PLEKHG1: variants seen among roughly 807,000 people sequenced by gnomAD.
The protein encoded by PLEKHG1 is pleckstrin homology and RhoGEF domain containing G1, also known as pleckstrin homology domain-containing family G member 1.
A neutral mutation model predicts 100.8 loss-of-function variants in PLEKHG1; 44 were observed. That is an observed-to-expected ratio of 0.44 (90% confidence interval 0.34 to 0.56). The LOEUF is 0.56. Ranked by LOEUF, PLEKHG1 falls within the 20% of genes least tolerant of loss-of-function variation. PLEKHG1 has a pLI of 0.01. For synonymous variants in PLEKHG1, 640 were observed against 662.5 expected, an observed-to-expected ratio of 0.97 and a Z score of 0.52; for missense variants, 1,545 against 1,720.9, an observed-to-expected ratio of 0.90 and a Z score of 1.81.
At chr6:150,705,095 G>A (rs1190290347) in intron 3 of PLEKHG1, among the ~76,000 whole-genome samples, 5 of 152,138 alleles carry the variant, frequency 3.3e-5, no homozygotes, top group Admixed American at 2.6e-4. Context: ...TCAGTCCATA[G>A]CAGTAATTTA....
chr6:150,748,519 T>G (rs1347093508), intron 2 of PLEKHG1, among the ~76,000 whole-genome samples: 2 of 152,192 alleles, frequency 1.3e-5, no homozygotes, highest in African/African-American at 4.8e-5. Context: ...TTCTAGTATT[T>G]GCTGTCATTT....
At chr6:150,739,548 G>A (rs556863841) in intron 2 of PLEKHG1, among the ~76,000 whole-genome samples, 1 of 152,082 alleles carries the variant, frequency 6.6e-6, no homozygotes, top group East Asian at 1.9e-4. Flanking sequence ...CATGCCTGTA[G>A]TCCCAGCCGC....
At chr6:150,627,839 A>T (rs1048486802) in intron 1 of PLEKHG1, among the ~76,000 whole-genome samples, 6 of 152,230 alleles carry the variant, frequency 3.9e-5, no homozygotes, top group Admixed American at 2.0e-4. Flanking sequence ...GGAAGAGTTT[A>T]TTGCCATCTG....
At chr6:150,759,567 A>C (rs967401897) in intron 2 of PLEKHG1, among the ~76,000 whole-genome samples, 1 of 152,148 alleles carries the variant, frequency 6.6e-6, no homozygotes, top group Admixed American at 6.5e-5. Flanking sequence ...TCTCTGTGTG[A>C]CCTCAGGGGA....
In PLEKHG1 at chr6:150,733,582, A is replaced by C. The variant is rs769453750; in HGVS notation, c.-98-2A>C. 6.2e-7 allele frequency: 1 copy of C among 1,607,076 alleles called. No homozygotes were observed. The highest frequency in any genetic ancestry group is 8.5e-7 in the Non-Finnish European group (1 of 1,176,658). ...CCTTTTTATTTTCTTTAATGCATATAGATGGGCACCAGTTGCGTCTTGAAG... is the reference window on the plus strand; with the variant it reads ...CCTTTTTATTTTCTTTAATGCATATCGATGGGCACCAGTTGCGTCTTGAAG... On this transcript the variant is annotated splice_acceptor_variant, in intron 1 of 15. Transcript: ENST00000358517. LOFTEE classifies it low-confidence loss of function (5UTR_SPLICE).
intron 3 of PLEKHG1, among the ~76,000 whole-genome samples, chr6:150,677,415 C>T (rs1034263616): frequency 1.3e-5 from 2 of 152,176 alleles, no homozygotes; most frequent in Non-Finnish European, 2.9e-5. Flanking sequence ...AAAGCCTACA[C>T]TGATTTCTCA....
chr6:150,814,112 C>G (rs1290242368), intron 10 of PLEKHG1, among the ~76,000 whole-genome samples: 1 of 152,100 alleles, frequency 6.6e-6, no homozygotes, highest in Non-Finnish European at 1.5e-5. Context: ...TTCATTTCGT[C>G]AGGGTGTTAT....
chr6:150,809,344 T>C, intron 8 of PLEKHG1, 37 bp from the exon 10 acceptor site: 1 of 1,610,740 alleles, frequency 6.2e-7, no homozygotes, highest in Non-Finnish European at 8.5e-7. Flanking sequence ...TGTTCCCTCC[T>C]GAGTGTGCCT....
intron 2 of PLEKHG1, among the ~76,000 whole-genome samples, chr6:150,638,616 T>A (rs1201724942): frequency 6.6e-6 from 1 of 151,960 alleles, no homozygotes; most frequent in Non-Finnish European, 1.5e-5. Context: ...GGATGGAGAG[T>A]TCTGGGGGCA....
At chr6:150,619,531 A>C (rs772462416) in intron 1 of PLEKHG1, among the ~76,000 whole-genome samples, 4 of 152,098 alleles carry the variant, frequency 2.6e-5, no homozygotes, top group Non-Finnish European at 4.4e-5. Context: ...GTTTCATCTG[A>C]ATTAATTGAG....
chr6:150,609,406 C>T (rs572519795), intron 1 of PLEKHG1, among the ~76,000 whole-genome samples: 12 of 152,026 alleles, frequency 7.9e-5, no homozygotes, highest in East Asian at 5.8e-4. Context: ...TGAGAAGATC[C>T]GAGGGAATAA....
At chr6:150,656,447 G>A (rs1778974356) in intron 3 of PLEKHG1, among the ~76,000 whole-genome samples, 1 of 151,976 alleles carries the variant, frequency 6.6e-6, no homozygotes, top group Non-Finnish European at 1.5e-5. Context: ...AGGGGGAAGG[G>A]GACATTGTGG....
intron 13 of PLEKHG1, among the ~76,000 whole-genome samples, chr6:150,822,392 G>A (rs1297657999): frequency 2.0e-5 from 3 of 152,250 alleles, no homozygotes; most frequent in South Asian, 4.1e-4. Flanking sequence ...GGTAATAGTC[G>A]TTTGAATTTA....
chr6:150,605,095 A>G (rs1319078466), intron 1 of PLEKHG1, among the ~76,000 whole-genome samples: 1 of 152,186 alleles, frequency 6.6e-6, no homozygotes, highest in Non-Finnish European at 1.5e-5. Flanking sequence ...CGTCACCTCC[A>G]TCTCTATGTT....
chr6:150,711,242 G>A (rs1461420435), intron 3 of PLEKHG1, among the ~76,000 whole-genome samples: 3 of 152,034 alleles, frequency 2.0e-5, no homozygotes, highest in Non-Finnish European at 1.5e-5. Flanking sequence ...TGTTAAGTCC[G>A]CTCTACCCTA....
intron 14 of PLEKHG1, among the ~76,000 whole-genome samples, chr6:150,829,695 T>A (rs1049557404): frequency 1.3e-5 from 2 of 152,204 alleles, no homozygotes; most frequent in African/African-American, 4.8e-5. Flanking sequence ...CAACTAAATG[T>A]TAATTAAATG....
At chr6:150,653,391 G>A (rs1360334374) in intron 3 of PLEKHG1, among the ~76,000 whole-genome samples, 9 of 151,926 alleles carry the variant, frequency 5.9e-5, no homozygotes, top group African/African-American at 1.9e-4. Flanking sequence ...TGTGTTATAG[G>A]TCAGGCTCAC....
intron 2 of PLEKHG1, among the ~76,000 whole-genome samples, chr6:150,764,190 T>C (rs1346147771): frequency 1.3e-5 from 2 of 150,860 alleles, no homozygotes; most frequent in Non-Finnish European, 2.9e-5. Context: ...CAATCTCAGC[T>C]CATTGCAACC....
chr6:150,770,478 C>G (rs1381239740), intron 3 of PLEKHG1, among the ~76,000 whole-genome samples: 1 of 152,140 alleles, frequency 6.6e-6, no homozygotes, highest in African/African-American at 2.4e-5. Flanking sequence ...ATTTCTCAAC[C>G]TGGGCTACCC....
Sources: allele counts gnomAD v4.1 joint callset (sites outside exome capture counted in the v4.1 genomes callset), GRCh38; gene constraint gnomAD v4.1.1; transcripts MANE v1.5; gene names NCBI Gene and HGNC (gene_info 2026-07-23, HGNC 2026-07-21).